The following NET1 variants were observed in gnomAD, a reference collection of about 807,000 sequenced individuals.
The protein encoded by NET1 is neuroepithelial cell transforming 1, also known as neuroepithelial cell-transforming gene 1 protein.
Under a neutral mutation model 61.1 loss-of-function variants are expected in NET1, and 42 were observed. That is an observed-to-expected ratio of 0.69 (90% confidence interval 0.54 to 0.89). The LOEUF (loss-of-function observed/expected upper bound fraction) is 0.89. Among genes scored for constraint, NET1 ranks in the 40% least tolerant of loss-of-function variants. The pLI is 0.00. For synonymous variants in NET1, 254 were observed against 281.8 expected, an observed-to-expected ratio of 0.90 and a Z score of 0.99; for missense variants, 654 against 747.3, an observed-to-expected ratio of 0.88 and a Z score of 1.46.
rs1393386180 is a variant in NET1 at position 5,444,057 on chromosome 10, A to G, written c.256-7773A>G. On this transcript the variant is annotated intron_variant, in intron 3 of 11. Coordinates refer to ENST00000355029, the MANE Select transcript of NET1 (RefSeq NM_001047160.3). The surrounding 1 kb of genome is among the most constrained non-coding windows in gnomAD (Gnocchi z 5.3). ...CTAGGCTGTTCATATTAGCTCTGAG[A>G]ATGTAGGTAGATCACTGTTCTTAAA... Among the ~76,000 whole-genome samples the G allele has an allele frequency of 6.6e-6, 1 of 152,208 alleles. No individual in the cohort carries two copies. Among genetic ancestry groups the G allele is most frequent in the Non-Finnish European group, 1.5e-5 (1 of 68,032 alleles).
chr10:5,449,017 A>T lies in NET1; in HGVS notation c.256-2813A>T, dbSNP rs1049266279. 1.3e-5 allele frequency among the ~76,000 whole-genome samples: 2 copies of T among 152,202 alleles called. No homozygotes were observed. Among genetic ancestry groups the T allele is most frequent in the African/African-American group, 4.8e-5 (2 of 41,448 alleles). Reference sequence around the variant, plus strand: ...CTTTTGGTTTCGGCTCACATGGGCCAATTTCTGACGTGTATTCCGAAAGAC... The same window carrying T: ...CTTTTGGTTTCGGCTCACATGGGCCTATTTCTGACGTGTATTCCGAAAGAC... On this transcript the variant is annotated intron_variant, in intron 3 of 11. Coordinates refer to ENST00000355029, the MANE Select transcript of NET1 (RefSeq NM_001047160.3). This position sits in a 1 kb window ranked among gnomAD's most constrained non-coding sequence, Gnocchi z 4.4.
intron 1 of NET1, among the ~76,000 whole-genome samples, chr10:5,425,297 C>G (rs544304276): frequency 1.8e-3 from 281 of 152,222 alleles, no homozygotes; most frequent in African/African-American, 6.1e-3. Flanking sequence ...ATTTCTCCTT[C>G]ATATTTAGCT....
intron 3 of NET1, among the ~76,000 whole-genome samples, chr10:5,438,775 A>C (rs1395765581): frequency 3.3e-5 from 5 of 152,230 alleles, no homozygotes; most frequent in Non-Finnish European, 5.9e-5. Flanking sequence ...AGCCAACACT[A>C]CAAGAAAAGA....
chr10:5,414,083 A>G (rs1204325819), intron 1 of NET1, among the ~76,000 whole-genome samples: 2 of 152,208 alleles, frequency 1.3e-5, no homozygotes, highest in Non-Finnish European at 2.9e-5. Flanking sequence ...AGAAGCATGT[A>G]GAAAGGCCCT....
At chr10:5,418,516 T>G (rs1832115703) in intron 1 of NET1, among the ~76,000 whole-genome samples, 1 of 152,170 alleles carries the variant, frequency 6.6e-6, no homozygotes. Flanking sequence ...CTGATTCTTG[T>G]AATTTGTGTC....
In NET1 at chr10:5,443,123, T is replaced by C. The variant is rs1832551822; in HGVS notation, c.256-8707T>C. On this transcript the variant is annotated intron_variant, in intron 3 of 11. Transcript: ENST00000355029. The surrounding 1 kb of genome is among the most constrained non-coding windows in gnomAD (Gnocchi z 4.8). Reference sequence around the variant, plus strand: ...ACTGTTAACTTAGGTCACTAACATATACTGAGCACCTAGTGTGTCTCAGAA... The same window carrying C: ...ACTGTTAACTTAGGTCACTAACATACACTGAGCACCTAGTGTGTCTCAGAA... Among the ~76,000 whole-genome samples, 1 of 152,192 alleles carries C rather than the reference T, an allele frequency of 6.6e-6. No individual in the cohort carries two copies. Among genetic ancestry groups the C allele is most frequent in the South Asian group, 2.1e-4 (1 of 4,834 alleles).
rs373795869 is a variant in NET1, at chr10:5,446,507, A to G, written c.256-5323A>G. ...AGAGGCCTAGGTGTGCCCAGCTCTC[A>G]GTTAACTGAAGTCACGTGGTGGTGG... On this transcript the variant is annotated intron_variant, in intron 3 of 11. Transcript: ENST00000355029. The surrounding 1 kb of genome is among the most constrained non-coding windows in gnomAD (Gnocchi z 5.0). 3.9e-4 allele frequency: 408 copies of G among 1,050,806 alleles called. 1 individual carries two copies. In the African/African-American group the frequency reaches 4.6e-3, roughly 12 times the overall value. 65.1% of individuals were successfully genotyped at this position (1,050,806 alleles called of 1,614,324 possible).
In NET1 at chr10:5,454,469, A is replaced by T. The variant is rs1409956306; in HGVS notation, c.973A>T (p.Ile325Phe). The T allele has an allele frequency of 6.2e-7, 1 of 1,614,206 alleles. No individual in the cohort carries two copies. The highest frequency in any genetic ancestry group is 2.2e-5 in the East Asian group (1 of 44,890). ...CAAATACCCTTTACTGTTAAAAGAA[A>T]TTCTTAAACACACTCCAAAAGAGCA... is the stretch of plus-strand genomic sequence containing the variant. ...LVKYPLLLKE[I>F]LKHTPKEHPD... Residue 325 changes from isoleucine (I) to phenylalanine (F), a missense_variant, in exon 9 of 12, where the codon ATT becomes TTT. By Grantham distance (21) the Ile-to-Phe change is conservative (BLOSUM62 0). Coordinates refer to ENST00000355029, the MANE Select transcript of NET1 (RefSeq NM_001047160.3). This position sits in a 1 kb window ranked among gnomAD's most constrained non-coding sequence, Gnocchi z 8.1.
chr10:5,436,246 ATATTTTTTT>A (rs1172982590), intron 3 of NET1, among the ~76,000 whole-genome samples: 375 of 34,132 alleles, frequency 0.011, 23 homozygotes, highest in Middle Eastern at 0.045. Context: ...ATATATATAT[ATATTTTTTT>A]TTTTTTTTTT....
intron 3 of NET1, among the ~76,000 whole-genome samples, chr10:5,450,505 T>C (rs1353548427): frequency 6.6e-6 from 1 of 152,166 alleles, no homozygotes; most frequent in Non-Finnish European, 1.5e-5. Flanking sequence ...TTATTTTTAC[T>C]CATTTTCTAC....
rs2119180536 is a variant in NET1, at chr10:5,431,004, T to A, written c.255+1775T>A. Among the ~76,000 whole-genome samples the A allele has an allele frequency of 6.6e-6, 1 of 151,650 alleles. No homozygotes were observed. The highest frequency in any genetic ancestry group is 2.1e-4 in the South Asian group (1 of 4,766). On this transcript the variant is annotated intron_variant, in intron 3 of 11. Coordinates refer to ENST00000355029, the MANE Select transcript of NET1 (RefSeq NM_001047160.3). This position sits in a 1 kb window ranked among gnomAD's most constrained non-coding sequence, Gnocchi z 4.9. ...CTCCTGCCTCAGCCTCCCAAGTAGCTGGGATTACAGGTGCCCGCCACCACG... is the reference window on the plus strand; with the variant it reads ...CTCCTGCCTCAGCCTCCCAAGTAGCAGGGATTACAGGTGCCCGCCACCACG...
rs1405096688 is a variant in NET1 at position 5,440,572 on chromosome 10, T to G, written c.256-11258T>G. 6.6e-6 allele frequency among the ~76,000 whole-genome samples: 1 copy of G among 152,174 alleles called. No homozygotes were observed. The highest frequency in any genetic ancestry group is 1.5e-5 in the Non-Finnish European group (1 of 68,036). On this transcript the variant is annotated intron_variant, in intron 3 of 11. Coordinates refer to ENST00000355029, the MANE Select transcript of NET1 (RefSeq NM_001047160.3). This position sits in a 1 kb window ranked among gnomAD's most constrained non-coding sequence, Gnocchi z 4.1. ...GTAACTCTGATGGCTGATCTCTGCATTTTCTCCTGGTGTGCAATACTGCTT... is the reference window on the plus strand; with the variant it reads ...GTAACTCTGATGGCTGATCTCTGCAGTTTCTCCTGGTGTGCAATACTGCTT...
rs1168646415 is a variant in NET1, at chr10:5,415,699, A to G, written c.128+2879A>G. Among the ~76,000 whole-genome samples, 1 of 152,132 alleles carries G rather than the reference A, an allele frequency of 6.6e-6. No individual in the cohort carries two copies. The highest frequency in any genetic ancestry group is 2.4e-5 in the African/African-American group (1 of 41,404). ...TGTGATTTGCCTGCCTCGGCCTCCC[A>G]AAGTGCTGGGATTACAGGCGTGAGC... On this transcript the variant is annotated intron_variant, in intron 1 of 11. Transcript: ENST00000355029. The surrounding 1 kb of genome is among the most constrained non-coding windows in gnomAD (Gnocchi z 4.7).
chr10:5,414,737 C>G (rs1193263271), intron 1 of NET1, among the ~76,000 whole-genome samples: 4 of 152,094 alleles, frequency 2.6e-5, no homozygotes, highest in African/African-American at 9.7e-5. Context: ...GTTGAACAGA[C>G]AGTAGAGGAG....
At chr10:5,442,562 T>C (rs1346193872) in intron 3 of NET1, among the ~76,000 whole-genome samples, 2 of 152,182 alleles carry the variant, frequency 1.3e-5, no homozygotes, top group Admixed American at 6.5e-5. Context: ...CGCTAACCAA[T>C]CTGTGCCTCA....
intron 3 of NET1, 83 bp downstream of exon 3, chr10:5,429,312 G>T (rs749816492): frequency 9.0e-7 from 1 of 1,115,116 alleles, no homozygotes; most frequent in Non-Finnish European, 1.3e-6. Context: ...AATAACAAAT[G>T]CTGGTTTGGG....
In NET1 at chr10:5,431,032, C is replaced by T. The variant is rs941781549; in HGVS notation, c.255+1803C>T. ...GATTACAGGTGCCCGCCACCACGCC[C>T]GGCTAATTTTTTGTATTTTCAGTAG... On this transcript the variant is annotated intron_variant, in intron 3 of 11. Coordinates refer to ENST00000355029, the MANE Select transcript of NET1 (RefSeq NM_001047160.3). The surrounding 1 kb of genome is among the most constrained non-coding windows in gnomAD (Gnocchi z 4.9). 7.9e-5 allele frequency among the ~76,000 whole-genome samples: 12 copies of T among 151,696 alleles called. No individual in the cohort carries two copies. Among genetic ancestry groups the T allele is most frequent in the Admixed American group, 3.3e-4 (5 of 15,242 alleles).
chr10:5,432,229 A>G (rs1367224363), intron 3 of NET1, among the ~76,000 whole-genome samples: 1 of 152,246 alleles, frequency 6.6e-6, no homozygotes, highest in Non-Finnish European at 1.5e-5. Flanking sequence ...ATAATTTTAG[A>G]AAAACAAAAC....
intron 2 of NET1, among the ~76,000 whole-genome samples, chr10:5,428,944 G>A: frequency 6.7e-6 from 1 of 149,792 alleles, no homozygotes; most frequent in South Asian, 2.1e-4. Flanking sequence ...ACGTTGGCCA[G>A]GCTGGTCTCG....
Sources: gnomAD v4.1 joint callset for allele counts (sites outside exome capture counted in the v4.1 genomes callset) on GRCh38, gnomAD v4.1.1 for gene constraint, Gnocchi (gnomAD v3.1) non-coding constraint, MANE v1.5 for transcripts, NCBI Gene and HGNC (gene_info 2026-07-23, HGNC 2026-07-21) for gene names.